ASIC4: variants seen among roughly 807,000 people sequenced by gnomAD.
ASIC4 encodes acid-sensing ion channel 4.
Under a neutral mutation model 53.4 loss-of-function variants are expected in ASIC4, and 28 were observed. The observed-to-expected ratio is 0.52, with a 90% CI of 0.39 to 0.72. ASIC4 has a LOEUF of 0.72. ASIC4 is among the 30% of genes least tolerant of loss of function. The pLI, the probability that ASIC4 is intolerant of heterozygous loss-of-function variation, is 0.00. For missense variants in ASIC4, 649 were observed against 729.7 expected, an observed-to-expected ratio of 0.89 and a Z score of 1.27; for synonymous variants, 289 against 301.4, an observed-to-expected ratio of 0.96 and a Z score of 0.43.
rs1480223310 is a variant in ASIC4 at position 219,538,236 on chromosome 2, AT to A, written c.*191del. 114 of 596,046 alleles carry A rather than the reference AT, an allele frequency of 1.9e-4. No homozygotes were observed. Among genetic ancestry groups the A allele is most frequent in the Middle Eastern group, 4.4e-4 (1 of 2,290 alleles). 36.9% of individuals were successfully genotyped at this position (596,046 alleles called of 1,614,324 possible). On this transcript the variant is annotated 3_prime_UTR_variant, in exon 10 of 10. Transcript: ENST00000358078. Reference sequence around the variant, plus strand: ...AAGGTCCTTCTTGTCCACACCCCTTATCCCCAGGCTGGTGCCCCGGGAGGGC... The same window carrying A: ...AAGGTCCTTCTTGTCCACACCCCTTACCCCAGGCTGGTGCCCCGGGAGGGC...
rs1553521425 is a variant in ASIC4 at position 219,518,916 on chromosome 2, G to GT, written c.582+3617dup. The stretch of plus-strand genomic sequence containing the variant: ...GGTTTGTGTATTCTTTTTTTTGTTT[G>GT]TTTTTTTGAGACAGAGTCTCGTTGT... On this transcript the variant is annotated intron_variant, in intron 1 of 9. Coordinates refer to ENST00000358078, the MANE Select transcript of ASIC4 (RefSeq NM_018674.6). The surrounding 1 kb of genome is among the most constrained non-coding windows in gnomAD (Gnocchi z 4.8). Among the ~76,000 whole-genome samples, 4 of 152,160 alleles carry GT rather than the reference G, an allele frequency of 2.6e-5. No homozygotes were observed. In the East Asian group the frequency reaches 5.8e-4, roughly 22 times the overall value.
At chr2:219,512,306 G>A (rs558818822), upstream of ASIC4, among the ~76,000 whole-genome samples, 3 of 152,238 alleles carry the variant, frequency 2.0e-5, no homozygotes, top group African/African-American at 4.8e-5. Flanking sequence ...GTATGTTGTC[G>A]GGGAAGTGTG....
Position 219,537,388 on chromosome 2 carries a change from G to A in ASIC4, c.1401+67G>A, listed in dbSNP as rs1322152911. Reference sequence around the variant, plus strand: ...GGCAAAGCAGAAGGGGGCAGTGCGGGGTGCCTGGTGGAGCTGGCCTGGCTG... The same window carrying A: ...GGCAAAGCAGAAGGGGGCAGTGCGGAGTGCCTGGTGGAGCTGGCCTGGCTG... On this transcript the variant is annotated intron_variant, in intron 8 of 9. Coordinates refer to ENST00000358078, the MANE Select transcript of ASIC4 (RefSeq NM_018674.6). The surrounding 1 kb of genome is among the most constrained non-coding windows in gnomAD (Gnocchi z 4.9). 4.6e-6 allele frequency: 7 copies of A among 1,516,236 alleles called. No homozygotes were observed. Among genetic ancestry groups the A allele is most frequent in the Non-Finnish European group, 6.3e-6 (7 of 1,112,944 alleles). 93.9% of individuals were successfully genotyped at this position (1,516,236 alleles called of 1,614,324 possible). A position where few individuals can be genotyped will look rare whatever the true frequency, so the allele number is the denominator to read the frequency against.
Position 219,537,645 on chromosome 2 carries a change from G to A in ASIC4, c.1415G>A (p.Arg472Gln), listed in dbSNP as rs143294962. 74 of 1,612,888 alleles carry A rather than the reference G, an allele frequency of 4.6e-5. No individual in the cohort carries two copies. Among genetic ancestry groups the A allele is most frequent in the Middle Eastern group, 1.6e-4 (1 of 6,062 alleles). Residue 472 changes from arginine (R) to glutamine (Q), a missense_variant, in exon 9 of 10, where the codon CGA becomes CAA. Coordinates refer to ENST00000358078, the MANE Select transcript of ASIC4 (RefSeq NM_018674.6). This position sits in a 1 kb window ranked among gnomAD's most constrained non-coding sequence, Gnocchi z 4.9. The part of the protein sequence containing the change: ...LDYIYEVSWD[R>Q]LKRVWRRPKT... ...CTGAACCCCAAGGTGTCCTGGGATC[G>A]ACTGAAGCGGGTATGGAGGCGTCCC...
In ASIC4 at chr2:219,518,049, C is replaced by A. The variant is rs912086530; in HGVS notation, c.582+2743C>A. ...CTGTTACCACTGCAATCGCTCTCCC[C>A]CCACGCTCCCTAATATCCCTTCATG... On this transcript the variant is annotated intron_variant, in intron 1 of 9. Coordinates refer to ENST00000358078, the MANE Select transcript of ASIC4 (RefSeq NM_018674.6). This position sits in a 1 kb window ranked among gnomAD's most constrained non-coding sequence, Gnocchi z 4.8. Among the ~76,000 whole-genome samples the A allele has an allele frequency of 6.6e-6, 1 of 152,116 alleles. No individual in the cohort carries two copies. The highest frequency in any genetic ancestry group is 1.5e-5 in the Non-Finnish European group (1 of 68,022).
At chr2:219,533,210 C>G in intron 5 of ASIC4, 1 of 549,268 alleles carries the variant, frequency 1.8e-6, no homozygotes, top group Non-Finnish European at 3.3e-6. Context: ...CTTGGTTCAG[C>G]CAATGAGCTC....
Position 219,532,940 on chromosome 2 carries a change from G to A in ASIC4, c.1075+1G>A, listed in dbSNP as rs753617816. ...ATCGAGTGTGCAGACCACACACTGG[G>A]TCCGTGCTGCCTACCCTTTCCTACC... On this transcript the variant is annotated splice_donor_variant, in intron 5 of 9. Coordinates refer to ENST00000358078, the MANE Select transcript of ASIC4 (RefSeq NM_018674.6). LOFTEE classifies it high-confidence loss of function. The A allele has an allele frequency of 3.1e-6, 5 of 1,613,772 alleles. No individual in the cohort carries two copies. Among genetic ancestry groups the A allele is most frequent in the Non-Finnish European group, 4.2e-6 (5 of 1,179,858 alleles).
upstream of ASIC4, among the ~76,000 whole-genome samples, chr2:219,510,355 C>T (rs977003853): frequency 3.9e-5 from 6 of 152,176 alleles, no homozygotes; most frequent in East Asian, 1.9e-4. This position sits in a 1 kb window ranked among gnomAD's most constrained non-coding sequence, Gnocchi z 5.2. Context: ...CACCCCCTCC[C>T]GGCCAGCCTG....
upstream of ASIC4, chr2:219,514,214 C>T (rs534724635): frequency 2.5e-4 from 286 of 1,142,918 alleles, 1 homozygote; most frequent in Middle Eastern, 2.4e-3. Flanking sequence ...GGGGATAGCC[C>T]CAGTCTTGGG....
Position 219,518,653 on chromosome 2 carries a change from C to A in ASIC4, c.582+3347C>A, listed in dbSNP as rs553770475. Among the ~76,000 whole-genome samples the A allele has an allele frequency of 1.8e-4, 28 of 152,202 alleles. No individual in the cohort carries two copies. Among genetic ancestry groups the A allele is most frequent in the Admixed American group, 1.5e-3 (23 of 15,276 alleles). On this transcript the variant is annotated intron_variant, in intron 1 of 9. Coordinates refer to ENST00000358078, the MANE Select transcript of ASIC4 (RefSeq NM_018674.6). The surrounding 1 kb of genome is among the most constrained non-coding windows in gnomAD (Gnocchi z 4.8). ...TTCCTGCCGCCATCTGCTACCCACA[C>A]CCCCTTCCTCCAAGCCCCAGTTCTA...
Position 219,537,213 on chromosome 2 carries a change from C to G in ASIC4, c.1322-29C>G, listed in dbSNP as rs201692446. 3,326 of 1,611,182 alleles carry G rather than the reference C, an allele frequency of 2.1e-3. 5 individuals are homozygous for G. Among genetic ancestry groups the G allele is most frequent in the Non-Finnish European group, 2.6e-3 (3,058 of 1,177,742 alleles). ...GTGGGGGTGGATCGGCCCGGCCGCT[C>G]CCTCTGACACTGCTCTCCTGCTTCC... On this transcript the variant is annotated intron_variant, in intron 7 of 9. Transcript: ENST00000358078. This position sits in a 1 kb window ranked among gnomAD's most constrained non-coding sequence, Gnocchi z 4.9.
Position 219,538,083 on chromosome 2 carries a change from A to C in ASIC4, c.*37A>C. On this transcript the variant is annotated 3_prime_UTR_variant, in exon 10 of 10. Transcript: ENST00000358078. ...GACTGAAAGGACCCAGGAGTCTGGG[A>C]CCCCTCCTGGGATCCCCAGCACATT... is the stretch of plus-strand genomic sequence containing the variant. The C allele has an allele frequency of 6.5e-7, 1 of 1,527,534 alleles. No homozygotes were observed. Among genetic ancestry groups the C allele is most frequent in the African/African-American group, 1.4e-5 (1 of 73,350 alleles). 94.6% of individuals were successfully genotyped at this position (1,527,534 alleles called of 1,614,324 possible).
intron 1 of ASIC4, among the ~76,000 whole-genome samples, chr2:219,531,356 A>G (rs1274766469): frequency 6.6e-6 from 1 of 152,046 alleles, no homozygotes; most frequent in African/African-American, 2.4e-5. Flanking sequence ...ACAGAGCAAG[A>G]CCATATCTCA....
At position 219,535,323 on chromosome 2, in the gene ASIC4, C is replaced by A; in HGVS notation, c.1228C>A (p.Arg410=). Residue 410 remains arginine (R), a splice_region_variant and synonymous_variant, in exon 6 of 10, where the codon CGG becomes AGG. Coordinates refer to ENST00000358078, the MANE Select transcript of ASIC4 (RefSeq NM_018674.6). ...RKYNRNETYI[R]ENFLVLDVFF... is the part of the protein sequence containing the mutation. ...GTACAACCGCAACGAGACCTACATA[C>A]GGTATGTGTGTGTGTGTGTGGGGGG... The A allele has an allele frequency of 1.3e-6, 2 of 1,596,636 alleles. No individual in the cohort carries two copies. The highest frequency in any genetic ancestry group is 1.7e-6 in the Non-Finnish European group (2 of 1,174,780).
upstream of ASIC4, chr2:219,514,396 C>CCTCG: frequency 6.5e-7 from 1 of 1,548,428 alleles, no homozygotes; most frequent in Non-Finnish European, 8.7e-7. Context: ...GCGCTCGCTC[C>CCTCG]CTCGCTCACT....
At chr2:219,535,121 T>G in intron 5 of ASIC4, 50 bp from the exon 6 acceptor site, 3 of 1,572,924 alleles carry the variant, frequency 1.9e-6, no homozygotes, top group Non-Finnish European at 2.6e-6. Context: ...GGTGGGCCAC[T>G]GGACCACCCT....
chr2:219,526,491 G>T (rs888895304), intron 1 of ASIC4, among the ~76,000 whole-genome samples: 1 of 152,194 alleles, frequency 6.6e-6, no homozygotes, highest in Admixed American at 6.5e-5. Flanking sequence ...GGGCATCCAG[G>T]ACAATGGGAG....
At chr2:219,526,858 G>A (rs1694969379) in intron 1 of ASIC4, among the ~76,000 whole-genome samples, 1 of 152,168 alleles carries the variant, frequency 6.6e-6, no homozygotes, top group Admixed American at 6.5e-5. Context: ...CCAGGAGCGT[G>A]GACCTGGAGC....
In ASIC4 at chr2:219,515,292, A is replaced by G; in HGVS notation, c.568A>G (p.Ser190Gly). ...CTTCAGTGGGCATCACTGCTCCGCC[A>G]GCAACTTCTCTGTGGTGAGTTCTGC... ...CNFSGHHCSA[S>G]NFSVVYTRYG... Residue 190 changes from serine (S) to glycine (G), a missense_variant, in exon 1 of 10, where the codon AGC becomes GGC. Physicochemically the swap from Ser to Gly is moderately conservative, Grantham distance 56. Coordinates refer to ENST00000358078, the MANE Select transcript of ASIC4 (RefSeq NM_018674.6). The G allele has an allele frequency of 6.2e-7, 1 of 1,610,570 alleles. No homozygotes were observed. The highest frequency in any genetic ancestry group is 8.5e-7 in the Non-Finnish European group (1 of 1,177,556).
Sources: gnomAD v4.1 joint callset for allele counts (sites outside exome capture counted in the v4.1 genomes callset) on GRCh38, gnomAD v4.1.1 for gene constraint, Gnocchi (gnomAD v3.1) non-coding constraint, MANE v1.5 for transcripts, NCBI Gene and HGNC (gene_info 2026-07-23, HGNC 2026-07-21) for gene names.